The following PPP2R2B variants were observed in gnomAD, a reference collection of about 807,000 sequenced individuals.
PPP2R2B encodes the protein protein phosphatase 2 regulatory subunit Bbeta, also known as serine/threonine-protein phosphatase 2A 55 kDa regulatory subunit B beta isoform.
PPP2R2B carries 5 observed loss-of-function variants against 46.0 expected under a neutral mutation model. The ratio of observed to expected loss-of-function variants is 0.11; its 90% confidence interval spans 0.06 to 0.23. The LOEUF (loss-of-function observed/expected upper bound fraction) is 0.23, where lower values mean the gene tolerates loss of function less well. Ranked by LOEUF, PPP2R2B falls within the 10% of genes least tolerant of loss-of-function variation. PPP2R2B has a pLI of 1.00. For synonymous variants in PPP2R2B, 215 were observed against 206.7 expected (o/e 1.04, Z -0.34); for missense variants, 367 against 575.0 (o/e 0.64, Z 3.70).
At chr5:146,905,189 G>A (rs907371319) in intron 1 of PPP2R2B, among the ~76,000 whole-genome samples, 75 of 152,236 alleles carry the variant, frequency 4.9e-4, no homozygotes, top group African/African-American at 1.8e-3. Context: ...CTCATACTTT[G>A]CTGGTGGGAG....
intron 2 of PPP2R2B, among the ~76,000 whole-genome samples, chr5:146,813,396 G>T (rs1397145939): frequency 6.6e-6 from 1 of 152,018 alleles, no homozygotes; most frequent in East Asian, 1.9e-4. Context: ...GCTTCTTCAA[G>T]CACAGTTACC....
chr5:146,653,010 C>G (rs189768658), intron 5 of PPP2R2B, among the ~76,000 whole-genome samples: 43 of 152,276 alleles, frequency 2.8e-4, no homozygotes, highest in Admixed American at 5.2e-4. Flanking sequence ...CTGAGAAACA[C>G]TACACCAAAA....
At chr5:146,903,839 A>G (rs954193044) in intron 1 of PPP2R2B, among the ~76,000 whole-genome samples, 11 of 152,224 alleles carry the variant, frequency 7.2e-5, no homozygotes, top group African/African-American at 2.4e-4. Flanking sequence ...CTCTACAGCA[A>G]AATGGGGATA....
At chr5:146,729,649 C>T (rs1042684469) in intron 2 of PPP2R2B, among the ~76,000 whole-genome samples, 13 of 152,294 alleles carry the variant, frequency 8.5e-5, no homozygotes, top group Non-Finnish European at 1.3e-4. Flanking sequence ...CCAGCTGCTC[C>T]AGCTGTGGCT....
At chr5:146,770,566 G>A (rs1331577092) in intron 2 of PPP2R2B, among the ~76,000 whole-genome samples, 1 of 152,080 alleles carries the variant, frequency 6.6e-6, no homozygotes, top group Non-Finnish European at 1.5e-5. Context: ...ATGATAACAG[G>A]TAATTTAACG....
At chr5:147,010,884 T>G (rs1481690048) in intron 1 of PPP2R2B, among the ~76,000 whole-genome samples, 1 of 152,156 alleles carries the variant, frequency 6.6e-6, no homozygotes, top group Non-Finnish European at 1.5e-5. Context: ...AGCTGCTTCA[T>G]GGCCAGACTC....
intron 2 of PPP2R2B, among the ~76,000 whole-genome samples, chr5:146,842,810 T>C (rs993723516): frequency 1.3e-5 from 2 of 152,234 alleles, no homozygotes; most frequent in African/African-American, 4.8e-5. Flanking sequence ...AACAACTAAA[T>C]ACTGTTAGAA....
At chr5:146,805,263 C>T (rs1487174049) in intron 2 of PPP2R2B, among the ~76,000 whole-genome samples, 24 of 152,132 alleles carry the variant, frequency 1.6e-4, no homozygotes, top group Admixed American at 1.6e-3. Context: ...AAACCTTTCC[C>T]TAGACCGCAG....
intron 2 of PPP2R2B, among the ~76,000 whole-genome samples, chr5:146,778,932 T>G (rs1582084280): frequency 6.6e-6 from 1 of 152,330 alleles, no homozygotes; most frequent in East Asian, 1.9e-4. Flanking sequence ...ATCTGCTTTG[T>G]GTGTCTTCAG....
intron 1 of PPP2R2B, among the ~76,000 whole-genome samples, chr5:147,018,768 A>G (rs1755124741): frequency 1.3e-5 from 2 of 152,160 alleles, no homozygotes; most frequent in South Asian, 2.1e-4. Context: ...GCTTTGGACT[A>G]CCAGCTTTTA....
rs1380360207 is a variant in PPP2R2B, at chr5:146,584,539, T to C, written c.*5408A>G. ...GGAACAGGATAGATCTAGATAAAAC[T>C]TCCTGCTACGTCATCTAACCCTTTT... On this transcript the variant is annotated 3_prime_UTR_variant, in exon 10 of 10. Transcript: ENST00000394411. 6.6e-6 allele frequency: 1 copy of C among 152,216 alleles called. No individual in the cohort carries two copies. Among genetic ancestry groups the C allele is most frequent in the Non-Finnish European group, 1.5e-5 (1 of 68,034 alleles). 9.4% of individuals were successfully genotyped at this position (152,216 alleles called of 1,614,324 possible).
intron 5 of PPP2R2B, among the ~76,000 whole-genome samples, chr5:146,671,964 G>A (rs1240540821): frequency 6.6e-6 from 1 of 152,156 alleles, no homozygotes; most frequent in African/African-American, 2.4e-5. Flanking sequence ...AAGCAAAACG[G>A]AGAGAATAAA....
Position 146,959,648 on chromosome 5 carries a change from G to A in PPP2R2B, c.79+96017C>T, listed in dbSNP as rs112137616. On this transcript the variant is annotated intron_variant, in intron 1 of 8. Coordinates refer to the PPP2R2B transcript ENST00000336640. The stretch of plus-strand genomic sequence containing the variant: ...AGAGAGGACAATGGAAAGGTTTCTG[G>A]GTCCTTGAAGAGGTGCTTGAACTGT... 5.0e-4 allele frequency among the ~76,000 whole-genome samples: 76 copies of A among 152,256 alleles called. 1 individual carries two copies. The highest frequency in any genetic ancestry group is 1.7e-3 in the African/African-American group (72 of 41,534).
intron 1 of PPP2R2B, among the ~76,000 whole-genome samples, chr5:147,055,228 C>T (rs776521909): frequency 2.6e-5 from 4 of 152,192 alleles, no homozygotes; most frequent in Non-Finnish European, 5.9e-5. Flanking sequence ...ATGTACTAAG[C>T]TAATTCTACT....
At chr5:147,025,046 A>G (rs1755463060) in intron 1 of PPP2R2B, among the ~76,000 whole-genome samples, 1 of 152,048 alleles carries the variant, frequency 6.6e-6, no homozygotes, top group African/African-American at 2.4e-5. Flanking sequence ...GGACTAATGA[A>G]GGAAAAAGAG....
intron 2 of PPP2R2B, among the ~76,000 whole-genome samples, chr5:146,820,726 G>A (rs992163324): frequency 1.3e-5 from 2 of 151,984 alleles, no homozygotes; most frequent in African/African-American, 4.8e-5. Flanking sequence ...AACTCACTGA[G>A]TCCTAAATTG....
chr5:146,944,431 C>T (rs72825261), intron 1 of PPP2R2B, among the ~76,000 whole-genome samples: 47 of 152,230 alleles, frequency 3.1e-4, no homozygotes, highest in Non-Finnish European at 5.0e-4. Flanking sequence ...AAACGCCAAA[C>T]GATTTGAAAG....
chr5:146,929,291 G>A (rs1189067914), intron 1 of PPP2R2B, among the ~76,000 whole-genome samples: 2 of 152,090 alleles, frequency 1.3e-5, no homozygotes, highest in Non-Finnish European at 2.9e-5. Flanking sequence ...CTCAAAATGG[G>A]TGGGGACTTT....
At chr5:146,638,172 G>C (rs1025881170) in intron 7 of PPP2R2B, 79 bp downstream of exon 7, 45 of 1,451,466 alleles carry the variant, frequency 3.1e-5, no homozygotes, top group Non-Finnish European at 3.9e-5. Flanking sequence ...TAGAAAGGGA[G>C]ATCATAAGCT....
Sources: gnomAD v4.1 joint callset for allele counts (sites outside exome capture counted in the v4.1 genomes callset) on GRCh38, gnomAD v4.1.1 for gene constraint, MANE v1.5 for transcripts, NCBI Gene and HGNC (gene_info 2026-07-23, HGNC 2026-07-21) for gene names.